EYA3: variants seen among roughly 807,000 people sequenced by gnomAD.
The protein encoded by EYA3 is EYA transcriptional coactivator and phosphatase 3.
In EYA3, 39 loss-of-function variants were observed where a neutral mutation model predicts 80.0. The ratio of observed to expected loss-of-function variants is 0.49; its 90% confidence interval spans 0.38 to 0.64. The LOEUF is 0.64. EYA3 is among the 30% of genes least tolerant of loss of function. The probability of loss-of-function intolerance (pLI) is 0.00; values close to 1 mark genes in which losing one functional copy is unlikely to be tolerated. For synonymous variants in EYA3, 206 were observed against 232.8 expected (o/e 0.88, Z 1.05); for missense variants, 523 against 676.1 (o/e 0.77, Z 2.51).
intron 6 of EYA3, among the ~76,000 whole-genome samples, chr1:28,030,527 T>C (rs981613679): frequency 8.5e-5 from 13 of 152,192 alleles, no homozygotes; most frequent in Non-Finnish European, 1.9e-4. Flanking sequence ...CCTTAAATGA[T>C]CCTCCTGCCT....
chr1:28,066,754 G>A (rs1369810777), intron 1 of EYA3, among the ~76,000 whole-genome samples: 2 of 151,844 alleles, frequency 1.3e-5, no homozygotes, highest in African/African-American at 2.4e-5. Context: ...TATAAATTCA[G>A]GCAATATCTG....
chr1:27,991,053 C>T (rs1482496825), intron 14 of EYA3, among the ~76,000 whole-genome samples: 1 of 152,112 alleles, frequency 6.6e-6, no homozygotes, highest in East Asian at 1.9e-4. Flanking sequence ...CTCCTTCTTT[C>T]ATCACCAACC....
At position 28,013,012 on chromosome 1, in the gene EYA3, A is replaced by G. The variant is rs1443683407; in HGVS notation, c.769+99T>C. 2 of 1,301,244 alleles carry G rather than the reference A, an allele frequency of 1.5e-6. No homozygotes were observed. Among genetic ancestry groups the G allele is most frequent in the African/African-American group, 3.0e-5 (2 of 67,630 alleles). The allele number at this position is 1,301,244 out of a possible 1,614,324, so 80.6% of individuals were successfully genotyped here. On this transcript the variant is annotated intron_variant, in intron 9 of 17. Transcript: ENST00000373871. This position sits in a 1 kb window ranked among gnomAD's most constrained non-coding sequence, Gnocchi z 4.0. ...GAGGGAAAGCCAAAAGCATGGTAAC[A>G]ATGACTTAAGACAGAACAAAATCAT...
chr1:27,991,674 AAACAAAACGAC>A (rs1403371251), intron 14 of EYA3, among the ~76,000 whole-genome samples: 1 of 152,144 alleles, frequency 6.6e-6, no homozygotes, highest in African/African-American at 2.4e-5. Context: ...ATTTTGGATA[AAACAAAACGAC>A]AACAAAACCA....
chr1:28,021,951 C>G (rs1272081351), intron 7 of EYA3, among the ~76,000 whole-genome samples: 3 of 151,846 alleles, frequency 2.0e-5, no homozygotes, highest in African/African-American at 7.3e-5. Context: ...GTTCCTAAAA[C>G]TTACTCTCAT....
chr1:28,069,642 AAG>A (rs969577742), intron 1 of EYA3, among the ~76,000 whole-genome samples: 3 of 145,612 alleles, frequency 2.1e-5, no homozygotes, highest in Admixed American at 1.4e-4. Flanking sequence ...AAGGAAGGGA[AAG>A]AGGGGGTAGA....
At chr1:28,033,904 C>T (rs975544412) in intron 6 of EYA3, among the ~76,000 whole-genome samples, 1 of 151,168 alleles carries the variant, frequency 6.6e-6, no homozygotes, top group South Asian at 2.1e-4. Context: ...AAGAGATCTG[C>T]CCAAACGGGG....
At chr1:28,067,775 A>C (rs908886810) in intron 1 of EYA3, among the ~76,000 whole-genome samples, 3 of 152,246 alleles carry the variant, frequency 2.0e-5, no homozygotes, top group African/African-American at 7.2e-5. Context: ...AGAATTTGCT[A>C]TTGGAAGAGA....
At chr1:28,003,834 G>T (rs1054461004) in intron 11 of EYA3, among the ~76,000 whole-genome samples, 6 of 152,080 alleles carry the variant, frequency 3.9e-5, no homozygotes, top group African/African-American at 1.4e-4. Flanking sequence ...AAACTGATAT[G>T]TACACTGAAG....
chr1:28,030,179 G>A (rs777585368), intron 6 of EYA3, among the ~76,000 whole-genome samples: 2 of 152,026 alleles, frequency 1.3e-5, no homozygotes, highest in Non-Finnish European at 1.5e-5. Flanking sequence ...GCTTCACCAG[G>A]GCACTGAGAT....
In EYA3 at chr1:27,988,700, A is replaced by C. The variant is rs201342337; in HGVS notation, c.1419-44T>G. On this transcript the variant is annotated intron_variant, in intron 15 of 17. Coordinates refer to ENST00000373871, the MANE Select transcript of EYA3 (RefSeq NM_001990.4). ...GAAAAGAAAAGGTGAAACTAAACCA[A>C]CCTGGGAGCAAGAATTCGTATGTGC... The C allele has an allele frequency of 5.0e-6, 8 of 1,599,082 alleles. No individual in the cohort carries two copies. In the African/African-American group the frequency reaches 1.1e-4, roughly 22 times the overall value.
intron 16 of EYA3, among the ~76,000 whole-genome samples, chr1:27,987,535 CA>C (rs1219004961): frequency 6.6e-6 from 1 of 152,166 alleles, no homozygotes; most frequent in African/African-American, 2.4e-5. Context: ...AGGCTGAACT[CA>C]AACTCCTGGG....
intron 5 of EYA3, among the ~76,000 whole-genome samples, chr1:28,038,135 A>T (rs1332851435): frequency 6.6e-6 from 1 of 152,166 alleles, no homozygotes; most frequent in Non-Finnish European, 1.5e-5. Flanking sequence ...CTCTGAGGAC[A>T]TTCCTCAATC....
intron 7 of EYA3, among the ~76,000 whole-genome samples, chr1:28,022,826 C>T (rs1642531612): frequency 6.6e-6 from 1 of 152,030 alleles, no homozygotes; most frequent in South Asian, 2.1e-4. Context: ...GGCGATCCTC[C>T]CACCTCAGCC....
chr1:28,038,439 T>TAAAAAAAAAAAAAAAAAAAAAAAAA (rs74525723), intron 5 of EYA3, among the ~76,000 whole-genome samples: 1 of 68,480 alleles, frequency 1.5e-5, no homozygotes, highest in African/African-American at 5.7e-5. Flanking sequence ...GATTCTATCT[T>TAAAAAAAAAAAAAAAAAAAAAAAAA]AAAAAAAAAA....
rs749101285 is a variant in EYA3, at chr1:27,993,569, A to G, written c.1143-9T>C. ...TTGAGAAACTGTAGTTGCTGCAAGG[A>G]GAGAAGATAATAAAAATTAAAATTT... is the stretch of plus-strand genomic sequence containing the variant. On this transcript the variant is annotated splice_polypyrimidine_tract_variant and intron_variant, in intron 13 of 17. Transcript: ENST00000373871. The G allele has an allele frequency of 2.4e-5, 38 of 1,565,844 alleles. 1 individual carries two copies. The East Asian group carries it at 3.2e-4, about 13-fold the overall frequency.
At chr1:28,082,125 AC>A (rs1170080398) in intron 1 of EYA3, among the ~76,000 whole-genome samples, 3 of 152,164 alleles carry the variant, frequency 2.0e-5, no homozygotes, top group Admixed American at 6.5e-5. Flanking sequence ...CTATAAAAAA[AC>A]AGTATACTTA....
chr1:28,003,009 C>T (rs1040717260), intron 11 of EYA3, among the ~76,000 whole-genome samples: 1 of 150,184 alleles, frequency 6.7e-6, no homozygotes, highest in Non-Finnish European at 1.5e-5. Context: ...GTAATCCCAG[C>T]ATTTTGGGAG....
At chr1:28,071,216 G>A (rs961622048) in intron 1 of EYA3, among the ~76,000 whole-genome samples, 16 of 152,042 alleles carry the variant, frequency 1.1e-4, no homozygotes, top group Non-Finnish European at 1.9e-4. Flanking sequence ...GAGCCACTAC[G>A]CCTAGCCTCA....
Sources: allele counts gnomAD v4.1 joint callset (sites outside exome capture counted in the v4.1 genomes callset), GRCh38; gene constraint gnomAD v4.1.1; non-coding constraint Gnocchi (gnomAD v3.1); transcripts MANE v1.5; gene names NCBI Gene and HGNC (gene_info 2026-07-23, HGNC 2026-07-21).